Variants in EGF observed in about 807,000 individuals in gnomAD.
EGF encodes pro-epidermal growth factor.
Under a neutral mutation model 143.8 loss-of-function variants are expected in EGF, and 95 were observed. The observed-to-expected ratio is 0.66, with a 90% CI of 0.56 to 0.78. The LOEUF is 0.78. Ranked by LOEUF, EGF falls within the 30% of genes least tolerant of loss-of-function variation. The pLI is 0.00. For missense variants in EGF, 1,320 were observed against 1,470.9 expected (o/e 0.90, Z 1.68); for synonymous variants, 510 against 510.5 (o/e 1.00, Z 0.01).
intron 1 of EGF, among the ~76,000 whole-genome samples, chr4:109,926,355 T>A (rs1053329634): frequency 6.7e-6 from 1 of 150,066 alleles, no homozygotes; most frequent in African/African-American, 2.4e-5. Flanking sequence ...ACTGTCTTTT[T>A]TTTTTTTTTT....
intron 21 of EGF, chr4:110,001,940 A>G: frequency 1.0e-6 from 1 of 985,404 alleles, no homozygotes. Context: ...CCTCTCCGCA[A>G]AGTTTCAGCT....
At position 109,942,231 on chromosome 4, in the gene EGF, G is replaced by A. The variant is rs538617003; in HGVS notation, c.328-1023G>A. 1.8e-4 allele frequency among the ~76,000 whole-genome samples: 27 copies of A among 152,314 alleles called. 1 individual carries two copies. In the South Asian group the frequency reaches 5.4e-3, roughly 30 times the overall value. On this transcript the variant is annotated intron_variant, in intron 2 of 23. Transcript: ENST00000265171. ...GAATTTATATCAAGCCATTAGGAAA[G>A]GATCAGCCTGTTGCCTAAAATTCCA... is the stretch of plus-strand genomic sequence containing the variant.
intron 1 of EGF, among the ~76,000 whole-genome samples, chr4:109,935,614 G>T (rs924176392): frequency 2.6e-5 from 4 of 152,136 alleles, no homozygotes; most frequent in African/African-American, 9.7e-5. Context: ...GTGAGAGAGG[G>T]CATCCTTGTC....
intron 23 of EGF, among the ~76,000 whole-genome samples, chr4:110,010,331 G>A (rs935662034): frequency 2.6e-5 from 4 of 152,094 alleles, no homozygotes; most frequent in Non-Finnish European, 5.9e-5. Flanking sequence ...GTCCAGATGG[G>A]GAGACAGAAG....
At chr4:109,925,147 A>G (rs1282887308) in intron 1 of EGF, among the ~76,000 whole-genome samples, 1 of 152,228 alleles carries the variant, frequency 6.6e-6, no homozygotes, top group Non-Finnish European at 1.5e-5. Context: ...GCCTGATATT[A>G]TTGGTGAAAC....
rs1754081874 is a variant in EGF at position 110,012,476 on chromosome 4, C to T, written c.*1021C>T. On this transcript the variant is annotated 3_prime_UTR_variant, in exon 24 of 24. Transcript: ENST00000265171. Reference sequence around the variant, plus strand: ...GCAGCCTCAAACTCCTGGGCTCAAGCAATCCTCCTGCCTCAGCCTCCCGAG... The same window carrying T: ...GCAGCCTCAAACTCCTGGGCTCAAGTAATCCTCCTGCCTCAGCCTCCCGAG... Among the ~76,000 whole-genome samples, 1 of 151,960 alleles carries T rather than the reference C, an allele frequency of 6.6e-6. No individual in the cohort carries two copies. The highest frequency in any genetic ancestry group is 2.1e-4 in the South Asian group (1 of 4,818).
intron 1 of EGF, among the ~76,000 whole-genome samples, chr4:109,927,460 C>T (rs1261101853): frequency 6.6e-6 from 1 of 152,126 alleles, no homozygotes; most frequent in Non-Finnish European, 1.5e-5. Context: ...CGCAGTGGCT[C>T]ATGCCTGTAA....
rs765812627 is a variant in EGF at position 109,963,154 on chromosome 4, T to A, written c.1313-19T>A. The A allele has an allele frequency of 6.2e-6, 10 of 1,613,616 alleles. No individual in the cohort carries two copies. Among genetic ancestry groups the A allele is most frequent in the Non-Finnish European group, 8.5e-6 (10 of 1,179,612 alleles). On this transcript the variant is annotated intron_variant, in intron 8 of 23. Transcript: ENST00000265171. ...ATTTTGGATGACGTAGCATCATTACTAAGCAATTGTTTTTGTAGGTTGTTC... is the reference window on the plus strand; with the variant it reads ...ATTTTGGATGACGTAGCATCATTACAAAGCAATTGTTTTTGTAGGTTGTTC...
Position 109,967,657 on chromosome 4 carries a change from G to A in EGF, c.1576-1314G>A, listed in dbSNP as rs547916445. 3.9e-5 allele frequency among the ~76,000 whole-genome samples: 6 copies of A among 152,122 alleles called. No individual in the cohort carries two copies. In the South Asian group the frequency reaches 1.0e-3, roughly 26 times the overall value. Reference sequence around the variant, plus strand: ...TTTAAACAGTCTTATGGAAATTCTTGTACCTGTGTGATAGGCTGCATACTA... The same window carrying A: ...TTTAAACAGTCTTATGGAAATTCTTATACCTGTGTGATAGGCTGCATACTA... On this transcript the variant is annotated intron_variant, in intron 10 of 23. Coordinates refer to ENST00000265171, the MANE Select transcript of EGF (RefSeq NM_001963.6).
chr4:110,005,365 T>C (rs1019672881), intron 22 of EGF, among the ~76,000 whole-genome samples: 1 of 152,042 alleles, frequency 6.6e-6, no homozygotes, highest in African/African-American at 2.4e-5. Flanking sequence ...TTCTTAATAT[T>C]TCTTAATATT....
intron 20 of EGF, among the ~76,000 whole-genome samples, chr4:109,995,527 A>G (rs903601429): frequency 2.0e-5 from 3 of 152,202 alleles, no homozygotes; most frequent in East Asian, 3.9e-4. Flanking sequence ...ACTATGAGAC[A>G]TTCCCACTGT....
At chr4:109,982,977 C>T (rs1749604709) in intron 15 of EGF, among the ~76,000 whole-genome samples, 2 of 152,016 alleles carry the variant, frequency 1.3e-5, no homozygotes, top group African/African-American at 4.8e-5. Context: ...TTTTAATGTC[C>T]TTTCATATTA....
At chr4:109,996,012 T>C (rs1420258141) in intron 20 of EGF, among the ~76,000 whole-genome samples, 4 of 152,232 alleles carry the variant, frequency 2.6e-5, no homozygotes, top group Non-Finnish European at 4.4e-5. Flanking sequence ...AAATTGGGTA[T>C]TTGCAATAGT....
rs574278151 is a variant in EGF, at chr4:109,947,129, TA to T, written c.940+1865del. Among the ~76,000 whole-genome samples, 89 of 145,638 alleles carry T rather than the reference TA, an allele frequency of 6.1e-4. 1 individual carries two copies. Among genetic ancestry groups the T allele is most frequent in the South Asian group, 4.8e-3 (22 of 4,612 alleles). On this transcript the variant is annotated intron_variant, in intron 5 of 23. Coordinates refer to ENST00000265171, the MANE Select transcript of EGF (RefSeq NM_001963.6). ...TTGAGACTCTGTCTCAAATTAAAAT[TA>T]AAAAAAAAAAGTTGTTAGGTTTTTA...
At chr4:109,999,587 A>G in intron 20 of EGF, 92 bp from the exon 21 acceptor site, 1 of 1,513,278 alleles carries the variant, frequency 6.6e-7, no homozygotes, top group South Asian at 1.1e-5. Context: ...CTGGAAATGC[A>G]GAGGTTGAGA....
At chr4:109,920,394 C>T (rs1414063712) in intron 1 of EGF, among the ~76,000 whole-genome samples, 1 of 151,586 alleles carries the variant, frequency 6.6e-6, no homozygotes, top group East Asian at 1.9e-4. Context: ...TCAAAATAGT[C>T]AGTTTTTAAG....
intron 13 of EGF, among the ~76,000 whole-genome samples, chr4:109,977,884 T>C (rs1748745524): frequency 6.6e-6 from 1 of 152,110 alleles, no homozygotes; most frequent in South Asian, 2.1e-4. Flanking sequence ...AAATGTAAAA[T>C]TGTATCTTTG....
chr4:109,980,804 A>AT (rs775666935), intron 14 of EGF, 22 bp from the exon 15 acceptor site: 27 of 1,613,698 alleles, frequency 1.7e-5, no homozygotes, highest in Non-Finnish European at 2.0e-5. Context: ...CCACTTGTGA[A>AT]TTTGTTTCTT....
chr4:109,969,071 G>T lies in EGF; in HGVS notation c.1676G>T (p.Gly559Val), dbSNP rs747643937. Reference sequence around the variant, plus strand: ...GAGGAAGGAGTAGATGTGCCAGAAGGTCTTGCTGTGGACTGGATTGGCCGT... The same window carrying T: ...GAGGAAGGAGTAGATGTGCCAGAAGTTCTTGCTGTGGACTGGATTGGCCGT... ...LIEEGVDVPEGLAVDWIGRRF... is the reference protein window; with the variant it reads ...LIEEGVDVPEVLAVDWIGRRF... The change falls in exon 11 of 24, where the codon GGT becomes GTT. Residue 559 changes from glycine to valine, a missense_variant. Transcript: ENST00000265171. The T allele has an allele frequency of 2.5e-6, 4 of 1,614,202 alleles. No individual in the cohort carries two copies. The highest frequency in any genetic ancestry group is 1.3e-5 in the African/African-American group (1 of 75,054).
Sources: gnomAD v4.1 joint callset for allele counts (sites outside exome capture counted in the v4.1 genomes callset) on GRCh38, gnomAD v4.1.1 for gene constraint, MANE v1.5 for transcripts, NCBI Gene and HGNC (gene_info 2026-07-23, HGNC 2026-07-21) for gene names.